Variants in KLHL1 observed in about 807,000 individuals in gnomAD.
KLHL1 encodes kelch like family member 1, also known as kelch-like protein 1.
A neutral mutation model predicts 77.7 loss-of-function variants in KLHL1; 47 were observed. That is an observed-to-expected ratio of 0.60 (90% CI 0.48 to 0.77). KLHL1 has a LOEUF of 0.77. Ranked by LOEUF, KLHL1 falls within the 30% of genes least tolerant of loss-of-function variation. KLHL1 has a pLI of 0.00. For synonymous variants in KLHL1, 360 were observed against 325.2 expected (o/e 1.11, Z -1.15); for missense variants, 925 against 910.8 (o/e 1.02, Z -0.20).
At chr13:70,061,185 TCA>T (rs1353907153) in intron 1 of KLHL1, among the ~76,000 whole-genome samples, 3 of 152,134 alleles carry the variant, frequency 2.0e-5, no homozygotes, top group Non-Finnish European at 4.4e-5. Flanking sequence ...TTAGTAATCA[TCA>T]CAGTTTACAG....
At chr13:69,942,986 T>TC (rs1475650685) in intron 3 of KLHL1, among the ~76,000 whole-genome samples, 2 of 152,196 alleles carry the variant, frequency 1.3e-5, no homozygotes, top group East Asian at 1.9e-4. Flanking sequence ...TGCCATTTTT[T>TC]CATCTATAAA....
intron 6 of KLHL1, among the ~76,000 whole-genome samples, chr13:69,820,089 T>A (rs1202151973): frequency 6.6e-6 from 1 of 152,162 alleles, no homozygotes; most frequent in African/African-American, 2.4e-5. Flanking sequence ...GGCTTGTATC[T>A]ATTAAGTAGG....
chr13:69,752,923 T>C (rs1192100662), intron 7 of KLHL1, among the ~76,000 whole-genome samples: 2 of 152,194 alleles, frequency 1.3e-5, no homozygotes, highest in African/African-American at 2.4e-5. Flanking sequence ...GCCATGCTTC[T>C]TACTAACCAT....
At chr13:69,727,710 G>A (rs1049374138) in intron 8 of KLHL1, among the ~76,000 whole-genome samples, 6 of 152,034 alleles carry the variant, frequency 3.9e-5, no homozygotes, top group East Asian at 1.9e-4. Context: ...TAAATAATAC[G>A]TTTCAACAAT....
intron 5 of KLHL1, among the ~76,000 whole-genome samples, chr13:69,855,408 A>AGAGACAGAGATAGAGATAGACAGTGATG (rs1879868035): frequency 6.6e-6 from 1 of 152,096 alleles, no homozygotes; most frequent in African/African-American, 2.4e-5. Context: ...AGATAGAGAT[A>AGAGACAGAGATAGAGATAGACAGTGATG]CAGATAGAGA....
rs192504398 is a variant in KLHL1, at chr13:69,714,605, A to G, written c.2015+4764T>C. ...TTTTATTTTATTTATTTATTTATAT[A>G]TTTTTTGAGACAGGGTCTCACTCTG... On this transcript the variant is annotated intron_variant, in intron 9 of 10. Transcript: ENST00000377844. Among the ~76,000 whole-genome samples, 503 of 151,688 alleles carry G rather than the reference A, an allele frequency of 3.3e-3. 5 individuals are homozygous for G. Among genetic ancestry groups the G allele is most frequent in the African/African-American group, 0.012 (478 of 41,430 alleles).
At chr13:69,823,595 T>C (rs1878425606) in intron 6 of KLHL1, among the ~76,000 whole-genome samples, 1 of 152,090 alleles carries the variant, frequency 6.6e-6, no homozygotes, top group African/African-American at 2.4e-5. Context: ...TATCTATTTT[T>C]AGCTCAGTGT....
intron 1 of KLHL1, among the ~76,000 whole-genome samples, chr13:69,985,217 CTA>C (rs887359736): frequency 6.6e-6 from 1 of 151,938 alleles, no homozygotes; most frequent in African/African-American, 2.4e-5. Context: ...TATTTGCAAA[CTA>C]TGCATCTGAC....
Position 69,719,341 on chromosome 13 carries a change from C to T in KLHL1, c.2015+28G>A, listed in dbSNP as rs200293561. 793 of 1,585,754 alleles carry T rather than the reference C, an allele frequency of 5.0e-4. 7 individuals carry two copies. In the Middle Eastern group the frequency reaches 0.015, roughly 31 times the overall value. ...TCAATGTGATTTGCACTGTCTCTTT[C>T]GCTGTAACAGTGTCCTTGGGGTCTT... is the stretch of plus-strand genomic sequence containing the variant. On this transcript the variant is annotated intron_variant, in intron 9 of 10. Coordinates refer to ENST00000377844, the MANE Select transcript of KLHL1 (RefSeq NM_020866.3).
At chr13:70,105,004 T>A (rs2137459323) in intron 1 of KLHL1, among the ~76,000 whole-genome samples, 1 of 152,186 alleles carries the variant, frequency 6.6e-6, no homozygotes, top group Admixed American at 6.5e-5. Flanking sequence ...GAACCAATTC[T>A]CTATGAAAAT....
chr13:70,056,968 A>G (rs764174289), intron 1 of KLHL1, among the ~76,000 whole-genome samples: 1 of 147,278 alleles, frequency 6.8e-6, no homozygotes, highest in Non-Finnish European at 1.5e-5. Flanking sequence ...ATATCAGCAC[A>G]GAAATAAACG....
chr13:69,776,781 A>C (rs1875847769), intron 7 of KLHL1, among the ~76,000 whole-genome samples: 1 of 152,156 alleles, frequency 6.6e-6, no homozygotes, highest in African/African-American at 2.4e-5. Flanking sequence ...GAATAACAGA[A>C]ATTGAGGTGG....
At chr13:69,880,477 C>T (rs935349648) in intron 5 of KLHL1, among the ~76,000 whole-genome samples, 1 of 152,036 alleles carries the variant, frequency 6.6e-6, no homozygotes, top group Non-Finnish European at 1.5e-5. Flanking sequence ...CTATCGCACA[C>T]TGTTTAAAAT....
intron 5 of KLHL1, among the ~76,000 whole-genome samples, chr13:69,866,842 A>T (rs1172704058): frequency 6.6e-6 from 1 of 152,136 alleles, no homozygotes; most frequent in South Asian, 2.1e-4. Flanking sequence ...GGGCTTCGTA[A>T]TTCAGAACAC....
At chr13:70,029,266 G>A (rs946969278) in intron 1 of KLHL1, among the ~76,000 whole-genome samples, 5 of 152,052 alleles carry the variant, frequency 3.3e-5, no homozygotes, top group Non-Finnish European at 7.4e-5. Flanking sequence ...CTGAATATAT[G>A]GGCAGATGAA....
In KLHL1 at chr13:69,851,166, A is replaced by C. The variant is rs139259486; in HGVS notation, c.1228-12004T>G. 7.9e-4 allele frequency among the ~76,000 whole-genome samples: 119 copies of C among 150,644 alleles called. 2 individuals carry two copies. The highest frequency in any genetic ancestry group is 2.8e-3 in the African/African-American group (117 of 41,086). ...CTTTTTTAAGTACTGTGTTTACTTAAATTTTATGCTTGAAATTCAAAGAGT... is the reference window on the plus strand; with the variant it reads ...CTTTTTTAAGTACTGTGTTTACTTACATTTTATGCTTGAAATTCAAAGAGT... On this transcript the variant is annotated intron_variant, in intron 5 of 10. Coordinates refer to ENST00000377844, the MANE Select transcript of KLHL1 (RefSeq NM_020866.3).
At chr13:69,836,371 G>A (rs1878991143) in intron 6 of KLHL1, among the ~76,000 whole-genome samples, 1 of 152,036 alleles carries the variant, frequency 6.6e-6, no homozygotes, top group African/African-American at 2.4e-5. Context: ...AGAAATCCAG[G>A]CAGAAAATGG....
chr13:70,038,579 T>C (rs1168768746), intron 1 of KLHL1, among the ~76,000 whole-genome samples: 4 of 125,328 alleles, frequency 3.2e-5, no homozygotes, highest in Non-Finnish European at 4.9e-5. Context: ...GGATTGTCAT[T>C]AATTTTTTTT....
At chr13:69,926,970 A>AAAAAAG (rs1882838565) in intron 4 of KLHL1, among the ~76,000 whole-genome samples, 2 of 146,126 alleles carry the variant, frequency 1.4e-5, no homozygotes, top group Non-Finnish European at 3.0e-5. Context: ...AAAAAAAAAA[A>AAAAAAG]GCAGAGAATT....
Sources: allele counts gnomAD v4.1 joint callset (sites outside exome capture counted in the v4.1 genomes callset), GRCh38; gene constraint gnomAD v4.1.1; transcripts MANE v1.5; gene names NCBI Gene and HGNC (gene_info 2026-07-23, HGNC 2026-07-21).